TRIP10: variants seen among roughly 807,000 people sequenced by gnomAD.
TRIP10 encodes thyroid hormone receptor interactor 10, also known as cdc42-interacting protein 4.
In TRIP10, 54 loss-of-function variants were observed where a neutral mutation model predicts 80.9. That is an observed-to-expected ratio of 0.67 (90% confidence interval 0.54 to 0.84). The LOEUF is 0.84. Ranked by LOEUF, TRIP10 falls within the 40% of genes least tolerant of loss-of-function variation. The probability of loss-of-function intolerance (pLI) is 0.00; values close to 1 mark genes in which losing one functional copy is unlikely to be tolerated. For synonymous variants in TRIP10, 321 were observed against 307.2 expected, an observed-to-expected ratio of 1.04 and a Z score of -0.47; for missense variants, 773 against 815.3, an observed-to-expected ratio of 0.95 and a Z score of 0.63.
chr19:6,744,379 G>A lies in TRIP10; in HGVS notation c.643-175G>A, dbSNP rs929437310. On this transcript the variant is annotated intron_variant, in intron 7 of 14. Coordinates refer to ENST00000313244, the MANE Select transcript of TRIP10 (RefSeq NM_001288962.2). The surrounding 1 kb of genome is among the most constrained non-coding windows in gnomAD (Gnocchi z 4.9). The stretch of plus-strand genomic sequence containing the variant: ...CCCCCTCTGAGATCCCCCTGGCCCT[G>A]TGTCTCTTCCCCAACCACAGTGGGC... Among the ~76,000 whole-genome samples the A allele has an allele frequency of 6.6e-6, 1 of 152,164 alleles. No homozygotes were observed. Among genetic ancestry groups the A allele is most frequent in the African/African-American group, 2.4e-5 (1 of 41,440 alleles).
Position 6,743,719 on chromosome 19 carries a change from A to G in TRIP10, c.525A>G (p.Gln175=), listed in dbSNP as rs188201112. ...TKADVEKAKQ[Q]AHLRSHMAEE... ...TCTGCATTCTTCAGGCCAAGCAGCAAGCCCACCTTCGGAGTCACATGGCCG... is the reference window on the plus strand; with the variant it reads ...TCTGCATTCTTCAGGCCAAGCAGCAGGCCCACCTTCGGAGTCACATGGCCG... The change falls in exon 7 of 15, where the codon CAA becomes CAG. Residue 175 remains glutamine (Q), a synonymous_variant. Coordinates refer to ENST00000313244, the MANE Select transcript of TRIP10 (RefSeq NM_001288962.2). 1.2e-5 allele frequency: 19 copies of G among 1,614,090 alleles called. No homozygotes were observed. In the African/African-American group the frequency reaches 1.9e-4, roughly 16 times the overall value.
chr19:6,750,525 C>G lies in TRIP10; in HGVS notation c.1549C>G (p.Pro517Ala), dbSNP rs752356506. The G allele has an allele frequency of 4.3e-6, 7 of 1,614,168 alleles. No individual in the cohort carries two copies. Among genetic ancestry groups the G allele is most frequent in the Non-Finnish European group, 5.9e-6 (7 of 1,180,022 alleles). ...ATCCCCAAACAGCTCTGAAGAGCCT[C>G]CCTCAGAAGAGAGCCAGGACACCCC... ...QDTKESSEEPPSEESQDTPIY... is the reference protein window; with the variant it reads ...QDTKESSEEPASEESQDTPIY... The change falls in exon 14 of 15, where the codon CCC (proline) becomes GCC (alanine). Residue 517 changes from proline to alanine, a missense_variant. Pro to Ala is a conservative substitution (Grantham distance 27). Transcript: ENST00000313244.
chr19:6,747,097 G>A (rs1434935290), intron 11 of TRIP10, among the ~76,000 whole-genome samples: 6 of 152,234 alleles, frequency 3.9e-5, no homozygotes. Context: ...GTTGAGGCAG[G>A]AGGATCATCT....
chr19:6,749,340 T>A (rs1969217095), intron 11 of TRIP10, among the ~76,000 whole-genome samples: 2 of 152,196 alleles, frequency 1.3e-5, no homozygotes, highest in African/African-American at 2.4e-5. Flanking sequence ...GTATCAGGCA[T>A]TGTATTAATC....
Position 6,746,161 on chromosome 19 carries a change from C to A in TRIP10, c.1117C>A (p.Leu373Ile). 2 of 1,545,936 alleles carry A rather than the reference C, an allele frequency of 1.3e-6. No individual in the cohort carries two copies. The highest frequency in any genetic ancestry group is 1.2e-5 in the South Asian group (1 of 83,668). The stretch of plus-strand genomic sequence containing the variant: ...GATCAGTAAGTCGGTCAAACCGAGG[C>A]TAGCATCCTTCCGCAGCCTTCGAGG... Reference protein sequence around the residue: ...SEISKSVKPRLASFRSLRGSR... With the variant: ...SEISKSVKPRIASFRSLRGSR... Residue 373 changes from leucine (L) to isoleucine (I), a missense_variant, in exon 10 of 15, where the codon CTA (leucine) becomes ATA (isoleucine). Coordinates refer to ENST00000313244, the MANE Select transcript of TRIP10 (RefSeq NM_001288962.2). The surrounding 1 kb of genome is among the most constrained non-coding windows in gnomAD (Gnocchi z 6.2).
chr19:6,742,340 A>G (rs1388137430), intron 3 of TRIP10, among the ~76,000 whole-genome samples: 1 of 151,916 alleles, frequency 6.6e-6, no homozygotes, highest in Non-Finnish European at 1.5e-5. Context: ...CAGTGAGCCA[A>G]GATCGCACCA....
At chr19:6,750,129 G>T in intron 12 of TRIP10, 63 bp downstream of exon 12, 6 of 1,572,576 alleles carry the variant, frequency 3.8e-6, no homozygotes, top group Middle Eastern at 2.3e-4. Flanking sequence ...TGCTGGGTGG[G>T]GTGGGGGGTC....
intron 1 of TRIP10, chr19:6,740,764 G>T: frequency 1.9e-6 from 1 of 526,328 alleles, no homozygotes; most frequent in Non-Finnish European, 3.4e-6. Context: ...CTATGTCGGA[G>T]ACCTCCATCT....
chr19:6,745,537 A>G lies in TRIP10; in HGVS notation c.985-492A>G. ...AACCCCTCTCATTTTCCTGCCTTCCACTCCCTCTCGGCTTGTGGTTTTATT... is the reference window on the plus strand; with the variant it reads ...AACCCCTCTCATTTTCCTGCCTTCCGCTCCCTCTCGGCTTGTGGTTTTATT... On this transcript the variant is annotated intron_variant, in intron 9 of 14. Coordinates refer to ENST00000313244, the MANE Select transcript of TRIP10 (RefSeq NM_001288962.2). The surrounding 1 kb of genome is among the most constrained non-coding windows in gnomAD (Gnocchi z 7.2). The G allele has an allele frequency of 5.1e-6, 5 of 981,048 alleles. No homozygotes were observed. The highest frequency in any genetic ancestry group is 4.8e-6 in the Non-Finnish European group (4 of 828,046). 60.8% of individuals were successfully genotyped at this position (981,048 alleles called of 1,614,324 possible).
rs1003951814 is a variant in TRIP10, at chr19:6,745,911, T to C, written c.985-118T>C. The C allele has an allele frequency of 2.4e-6, 3 of 1,263,412 alleles. No individual in the cohort carries two copies. The highest frequency in any genetic ancestry group is 3.0e-5 in the South Asian group (1 of 33,366). 78.3% of individuals were successfully genotyped at this position (1,263,412 alleles called of 1,614,324 possible). The stretch of plus-strand genomic sequence containing the variant: ...CATTTTGTTTTTCCTTTTTCCTTTT[T>C]TTGCGTCCATCCGTCCATCCGTGCG... On this transcript the variant is annotated intron_variant, in intron 9 of 14. Transcript: ENST00000313244. This position sits in a 1 kb window ranked among gnomAD's most constrained non-coding sequence, Gnocchi z 7.2.
chr19:6,741,203 T>G (rs1414310152), intron 2 of TRIP10, 22 bp from the exon 3 acceptor site: 1 of 1,612,860 alleles, frequency 6.2e-7, no homozygotes, highest in Admixed American at 1.7e-5. Context: ...GGCTCAGCCC[T>G]CCTACCTCTG....
chr19:6,742,944 C>T lies in TRIP10; in HGVS notation c.198-23C>T, dbSNP rs151298257. ...GGGAGGAGGGGCCTGACTCCCTGTT[C>T]CCCGATTCTCATCCAACCCCAGATT... On this transcript the variant is annotated intron_variant, in intron 3 of 14. Transcript: ENST00000313244. 37 of 1,612,174 alleles carry T rather than the reference C, an allele frequency of 2.3e-5. No individual in the cohort carries two copies. The Admixed American group carries it at 4.2e-4, about 18-fold the overall frequency.
Position 6,743,585 on chromosome 19 carries a change from C to T in TRIP10, c.500C>T (p.Ala167Val). 1 of 1,315,248 alleles carries T rather than the reference C, an allele frequency of 7.6e-7. No homozygotes were observed. The allele number at this position is 1,315,248 out of a possible 1,614,324, so 81.5% of individuals were successfully genotyped here. The change falls in exon 6 of 15, where the codon GCT becomes GTT. Residue 167 changes from alanine to valine, a missense_variant. Physicochemically the swap from Ala to Val is moderately conservative, Grantham distance 64 (BLOSUM62 0). Transcript: ENST00000313244. ...GACCAGGATATCAACGCCACCAAGG[C>T]TGATGTGGAGAAGGTGTGTGTGGCG... ...RLDQDINATK[A>V]DVEKAKQQAH... is the part of the protein sequence containing the mutation.
At chr19:6,743,382 C>T (rs1968983734) in intron 5 of TRIP10, 112 bp from the exon 6 acceptor site, 1 of 1,518,216 alleles carries the variant, frequency 6.6e-7, no homozygotes, top group Non-Finnish European at 9.0e-7. Flanking sequence ...TTCCAGTACT[C>T]CCTTGACCCC....
chr19:6,746,221 G>A lies in TRIP10; in HGVS notation c.1152+25G>A. The A allele has an allele frequency of 1.3e-6, 2 of 1,509,216 alleles. No individual in the cohort carries two copies. The highest frequency in any genetic ancestry group is 8.9e-7 in the Non-Finnish European group (1 of 1,122,474). 93.5% of individuals were successfully genotyped at this position (1,509,216 alleles called of 1,614,324 possible). ...GGTAAGTGAGGCCTCGGGGCAGGAG[G>A]AGGTGGTGGCCCTAGCCTGCCCAGC... On this transcript the variant is annotated intron_variant, in intron 10 of 14. Transcript: ENST00000313244. This position sits in a 1 kb window ranked among gnomAD's most constrained non-coding sequence, Gnocchi z 6.2.
chr19:6,746,218 G>GA lies in TRIP10; in HGVS notation c.1152+23dup. 6.6e-7 allele frequency: 1 copy of GA among 1,510,684 alleles called. No homozygotes were observed. Among genetic ancestry groups the GA allele is most frequent in the Non-Finnish European group, 8.9e-7 (1 of 1,123,254 alleles). The allele number at this position is 1,510,684 out of a possible 1,614,324, so 93.6% of individuals were successfully genotyped here. A position where few individuals can be genotyped will look rare whatever the true frequency, so the allele number is the denominator to read the frequency against. ...TGGGGTAAGTGAGGCCTCGGGGCAG[G>GA]AGGAGGTGGTGGCCCTAGCCTGCCC... is the stretch of plus-strand genomic sequence containing the variant. On this transcript the variant is annotated intron_variant, in intron 10 of 14. Coordinates refer to ENST00000313244, the MANE Select transcript of TRIP10 (RefSeq NM_001288962.2). This position sits in a 1 kb window ranked among gnomAD's most constrained non-coding sequence, Gnocchi z 6.2.
At chr19:6,750,177 C>T in intron 12 of TRIP10, 111 bp downstream of exon 12, 1 of 1,571,176 alleles carries the variant, frequency 6.4e-7, no homozygotes, top group East Asian at 2.3e-5. Flanking sequence ...GGGTCTCCAG[C>T]TGTTTTCCAT....
chr19:6,745,053 G>A lies in TRIP10; in HGVS notation c.984+59G>A, dbSNP rs780447344. On this transcript the variant is annotated intron_variant, in intron 9 of 14. Coordinates refer to ENST00000313244, the MANE Select transcript of TRIP10 (RefSeq NM_001288962.2). This position sits in a 1 kb window ranked among gnomAD's most constrained non-coding sequence, Gnocchi z 7.2. ...AAGGACAGTGAAGTGGGGACAGTGGGGCCCCTATTGAGTCAGCCCCAGCCG... is the reference window on the plus strand; with the variant it reads ...AAGGACAGTGAAGTGGGGACAGTGGAGCCCCTATTGAGTCAGCCCCAGCCG... The A allele has an allele frequency of 6.4e-6, 10 of 1,552,688 alleles. No individual in the cohort carries two copies. Among genetic ancestry groups the A allele is most frequent in the Non-Finnish European group, 8.7e-6 (10 of 1,151,486 alleles).
At position 6,746,324 on chromosome 19, in the gene TRIP10, T is replaced by G; in HGVS notation, c.1152+128T>G. 1 of 1,519,482 alleles carries G rather than the reference T, an allele frequency of 6.6e-7. No individual in the cohort carries two copies. The highest frequency in any genetic ancestry group is 8.9e-7 in the Non-Finnish European group (1 of 1,125,016). The allele number at this position is 1,519,482 out of a possible 1,614,324, so 94.1% of individuals were successfully genotyped here. Reference sequence around the variant, plus strand: ...CCCTGGTTGCCCAACCCAGACCTGCTTTGCTCTGTGCATGGCTTCGCTGTC... The same window carrying G: ...CCCTGGTTGCCCAACCCAGACCTGCGTTGCTCTGTGCATGGCTTCGCTGTC... On this transcript the variant is annotated intron_variant, in intron 10 of 14. Transcript: ENST00000313244. The surrounding 1 kb of genome is among the most constrained non-coding windows in gnomAD (Gnocchi z 6.2).
Sources: allele counts gnomAD v4.1 joint callset (sites outside exome capture counted in the v4.1 genomes callset), GRCh38; gene constraint gnomAD v4.1.1; non-coding constraint Gnocchi (gnomAD v3.1); transcripts MANE v1.5; gene names NCBI Gene and HGNC (gene_info 2026-07-23, HGNC 2026-07-21).